Variants in CYFIP1 observed in about 807,000 individuals in gnomAD.
CYFIP1 encodes the protein cytoplasmic FMR1 interacting protein 1, also known as cytoplasmic FMR1-interacting protein 1.
A neutral mutation model predicts 163.5 loss-of-function variants in CYFIP1; 58 were observed. That is an observed-to-expected ratio of 0.35 (90% CI 0.29 to 0.44). CYFIP1 has a LOEUF of 0.44. Ranked by LOEUF, CYFIP1 falls within the 20% of genes least tolerant of loss-of-function variation. CYFIP1 has a pLI of 1.00. For synonymous variants in CYFIP1, 663 were observed against 660.7 expected, an observed-to-expected ratio of 1.00 and a Z score of -0.05; for missense variants, 1,338 against 1,653.8, an observed-to-expected ratio of 0.81 and a Z score of 3.31.
chr15:22,972,306 C>T (rs537935331), intron 1 of CYFIP1, among the ~76,000 whole-genome samples: 1 of 152,208 alleles, frequency 6.6e-6, no homozygotes, highest in African/African-American at 2.4e-5. Flanking sequence ...TGTGGTGGCG[C>T]ACGCCTGTAA....
At chr15:22,968,978 G>A (rs1437088506) in intron 1 of CYFIP1, among the ~76,000 whole-genome samples, 2 of 152,132 alleles carry the variant, frequency 1.3e-5, no homozygotes, top group African/African-American at 4.8e-5. Flanking sequence ...ATCTCCTTCT[G>A]TGAGTATCTT....
intron 1 of CYFIP1, among the ~76,000 whole-genome samples, chr15:22,948,804 A>T: frequency 1.2e-5 from 1 of 81,606 alleles, no homozygotes; most frequent in East Asian, 4.2e-4. Context: ...ACACTACTGA[A>T]ATGTAAAAAA....
At chr15:22,941,474 T>G (rs1272178854) in intron 6 of CYFIP1, among the ~76,000 whole-genome samples, 1 of 152,096 alleles carries the variant, frequency 6.6e-6, no homozygotes, top group Admixed American at 6.6e-5. Context: ...CCATATGAGT[T>G]ATCTTGGCAT....
At position 22,870,778 on chromosome 15, in the gene CYFIP1, T is replaced by A. The variant is rs116404903; in HGVS notation, c.3598-586A>T. ...CCTACTGTCTGCTCAAAGCTGGGGATCTCCAGATGAAGATGATGTGGTCAG... is the reference window on the plus strand; with the variant it reads ...CCTACTGTCTGCTCAAAGCTGGGGAACTCCAGATGAAGATGATGTGGTCAG... On this transcript the variant is annotated intron_variant, in intron 30 of 30. Coordinates refer to ENST00000617928, the MANE Select transcript of CYFIP1 (RefSeq NM_014608.6). Among the ~76,000 whole-genome samples, 424 of 152,190 alleles carry A rather than the reference T, an allele frequency of 2.8e-3. 3 individuals carry two copies. Among genetic ancestry groups the A allele is most frequent in the African/African-American group, 9.8e-3 (408 of 41,512 alleles).
intron 1 of CYFIP1, among the ~76,000 whole-genome samples, chr15:22,957,342 A>C (rs2062500419): frequency 6.6e-6 from 1 of 151,660 alleles, no homozygotes; most frequent in African/African-American, 2.4e-5. Context: ...CTCTACTAAA[A>C]ATACAAAAAA....
rs1049173090 is a variant in CYFIP1 at position 22,935,606 on chromosome 15, C to T, written c.900+1498G>A. Among the ~76,000 whole-genome samples, 20 of 151,942 alleles carry T rather than the reference C, an allele frequency of 1.3e-4. 1 individual carries two copies. Among genetic ancestry groups the T allele is most frequent in the Admixed American group, 7.2e-4 (11 of 15,242 alleles). On this transcript the variant is annotated intron_variant, in intron 9 of 30. Coordinates refer to ENST00000617928, the MANE Select transcript of CYFIP1 (RefSeq NM_014608.6). ...GTTCAGCAAATGACACCATCGAGAA[C>T]GCGAAAAGGCTACTGGAGGCAGGAG...
chr15:22,926,251 C>G, intron 12 of CYFIP1, 144 bp from the exon 13 acceptor site: 1 of 1,189,626 alleles, frequency 8.4e-7, no homozygotes, highest in Non-Finnish European at 1.2e-6. Context: ...GGCGCACACA[C>G]CGTCCATCTC....
chr15:22,976,184 G>T, intron 1 of CYFIP1, among the ~76,000 whole-genome samples: 1 of 151,244 alleles, frequency 6.6e-6, no homozygotes, highest in East Asian at 1.9e-4. Flanking sequence ...TTGAGACGGA[G>T]TCTCGCTCTG....
intron 13 of CYFIP1, among the ~76,000 whole-genome samples, chr15:22,925,358 T>C (rs1044461576): frequency 1.3e-5 from 2 of 152,064 alleles, no homozygotes; most frequent in Non-Finnish European, 2.9e-5. Context: ...CAACTGACAC[T>C]GGGTTAGAGC....
chr15:22,895,833 C>T (rs2060220925), intron 22 of CYFIP1, among the ~76,000 whole-genome samples: 1 of 152,168 alleles, frequency 6.6e-6, no homozygotes, highest in African/African-American at 2.4e-5. Context: ...CCCAAGTGAG[C>T]GCCCCTGGCT....
chr15:22,943,681 T>C (rs144679586), intron 5 of CYFIP1, among the ~76,000 whole-genome samples: 2 of 152,214 alleles, frequency 1.3e-5, no homozygotes, highest in Admixed American at 6.5e-5. Context: ...CTTTCAGAAG[T>C]GAAAACTGGG....
intron 23 of CYFIP1, among the ~76,000 whole-genome samples, chr15:22,890,179 G>T (rs1447900423): frequency 6.6e-6 from 1 of 151,738 alleles, no homozygotes; most frequent in Non-Finnish European, 1.5e-5. Context: ...GGGCATGGTG[G>T]CAGGCGCCTT....
At chr15:22,954,535 G>A (rs894970803) in intron 1 of CYFIP1, among the ~76,000 whole-genome samples, 1 of 152,190 alleles carries the variant, frequency 6.6e-6, no homozygotes, top group Non-Finnish European at 1.5e-5. Context: ...GTCACAAGGC[G>A]CTACCATGCC....
intron 8 of CYFIP1, among the ~76,000 whole-genome samples, chr15:22,937,892 C>T (rs2061767305): frequency 6.6e-6 from 1 of 152,216 alleles, no homozygotes; most frequent in South Asian, 2.1e-4. Context: ...GCATGAGCCA[C>T]CGTGCCCAGT....
In CYFIP1 at chr15:22,870,129, T is replaced by G; in HGVS notation, c.3661A>C (p.Ile1221Leu). The change falls in exon 31 of 31, where the codon ATC becomes CTC. Residue 1221 changes from isoleucine (I) to leucine (L), a missense_variant. Ile to Leu is a conservative substitution (Grantham distance 5). Around this residue, in one of 4 missense-constraint regions of CYFIP1, gnomAD observed 306 missense variants for 322.1 expected, o/e 0.95. Transcript: ENST00000617928. ...CCTGACTTCAGGTACTTATCCAGGA[T>G]GGTGATGATCTCATCATTGAGAATC... is the stretch of plus-strand genomic sequence containing the variant. The part of the protein sequence containing the change: ...FQILNDEIIT[I>L]LDKYLKSGDG... 6.2e-7 allele frequency: 1 copy of G among 1,613,110 alleles called. No homozygotes were observed. Among genetic ancestry groups the G allele is most frequent in the Non-Finnish European group, 8.5e-7 (1 of 1,179,608 alleles).
At chr15:22,895,500 G>C (rs1351399240) in intron 22 of CYFIP1, among the ~76,000 whole-genome samples, 1 of 152,172 alleles carries the variant, frequency 6.6e-6, no homozygotes, top group Non-Finnish European at 1.5e-5. Flanking sequence ...GATTTATCAA[G>C]TTTAGATACT....
intron 10 of CYFIP1, 53 bp downstream of exon 10, chr15:22,933,749 A>G (rs1280216495): frequency 4.5e-6 from 6 of 1,325,448 alleles, no homozygotes; most frequent in Non-Finnish European, 6.5e-6. Context: ...TGAAAACCGC[A>G]CAATGAGGAC....
chr15:22,966,386 A>G (rs1395131454), intron 1 of CYFIP1, among the ~76,000 whole-genome samples: 1 of 104,792 alleles, frequency 9.5e-6, no homozygotes, highest in East Asian at 2.4e-4. Flanking sequence ...AAAAAAAAAA[A>G]AAAGACAAGA....
At chr15:22,973,351 C>T (rs1480529945) in intron 1 of CYFIP1, among the ~76,000 whole-genome samples, 2 of 150,300 alleles carry the variant, frequency 1.3e-5, no homozygotes, top group Non-Finnish European at 3.0e-5. Context: ...AAGAAACTCC[C>T]TAACCATTAG....
Sources: allele counts gnomAD v4.1 joint callset (sites outside exome capture counted in the v4.1 genomes callset), GRCh38; gene constraint gnomAD v4.1.1; regional missense constraint gnomAD v4.1.1; transcripts MANE v1.5; gene names NCBI Gene and HGNC (gene_info 2026-07-23, HGNC 2026-07-21).